Variants in CA8 observed in about 807,000 individuals in gnomAD.
CA8 encodes the protein carbonic anhydrase 8 (inactive).
Under a neutral mutation model 41.4 loss-of-function variants are expected in CA8, and 22 were observed. The ratio of observed to expected loss-of-function variants is 0.53; its 90% CI spans 0.38 to 0.76. The LOEUF (loss-of-function observed/expected upper bound fraction) is 0.76. Among genes scored for constraint, CA8 ranks in the 30% least tolerant of loss-of-function variants. The pLI is 0.00. For missense variants in CA8, 270 were observed against 352.8 expected (o/e 0.77, Z 1.88); for synonymous variants, 121 against 130.6 (o/e 0.93, Z 0.50).
intron 8 of CA8, among the ~76,000 whole-genome samples, chr8:60,202,993 T>C (rs1300546667): frequency 6.6e-6 from 1 of 152,012 alleles, no homozygotes; most frequent in East Asian, 1.9e-4. Context: ...TAAGTAAAAC[T>C]AAAACTGCTA....
intron 8 of CA8, among the ~76,000 whole-genome samples, chr8:60,190,432 AATAT>A (rs57878452): frequency 0.072 from 7,109 of 98,698 alleles, 251 homozygotes; most frequent in African/African-American, 0.08. Flanking sequence ...ATAAATGCAG[AATAT>A]ATATATATAT....
rs80317364 is a variant in CA8 at position 60,271,116 on chromosome 8, G to A, written c.293-5067C>T. Among the ~76,000 whole-genome samples, 107 of 152,324 alleles carry A rather than the reference G, an allele frequency of 7.0e-4. No homozygotes were observed. The Middle Eastern group carries it at 0.017, about 24-fold the overall frequency. The stretch of plus-strand genomic sequence containing the variant: ...CCGGTTCTAAGGGAAGCCAAGGCGG[G>A]AGGATCATTTGAGCCCAGGATTTCA... On this transcript the variant is annotated intron_variant, in intron 2 of 8. Transcript: ENST00000317995.
intron 8 of CA8, among the ~76,000 whole-genome samples, chr8:60,205,243 C>T (rs973290161): frequency 6.6e-6 from 1 of 152,096 alleles, no homozygotes; most frequent in South Asian, 2.1e-4. Context: ...TGTGACATTG[C>T]TTTTTACAGA....
chr8:60,227,783 G>A (rs1484177813), intron 4 of CA8, among the ~76,000 whole-genome samples: 5 of 151,920 alleles, frequency 3.3e-5, no homozygotes, highest in African/African-American at 1.2e-4. Flanking sequence ...ATAATAATGT[G>A]CTTTTTATAG....
intron 5 of CA8, among the ~76,000 whole-genome samples, chr8:60,225,507 C>T (rs1807405669): frequency 6.6e-6 from 1 of 152,118 alleles, no homozygotes; most frequent in South Asian, 2.1e-4. Flanking sequence ...AAAATGTGCC[C>T]TTATTGTCTT....
In CA8 at chr8:60,187,936, G is replaced by A. The variant is rs531927308; in HGVS notation, c.*2085C>T. 4 of 151,994 alleles carry A rather than the reference G, an allele frequency of 2.6e-5. No homozygotes were observed. Among genetic ancestry groups the A allele is most frequent in the South Asian group, 2.1e-4 (1 of 4,822 alleles). The allele number at this position is 151,994 out of a possible 1,614,324, so 9.4% of individuals were successfully genotyped here. ...ATTTGAGATTAGTTGTTGTGCTTTCGTTTACTGACAAACTACCTTTCAAAT... is the reference window on the plus strand; with the variant it reads ...ATTTGAGATTAGTTGTTGTGCTTTCATTTACTGACAAACTACCTTTCAAAT... On this transcript the variant is annotated 3_prime_UTR_variant, in exon 9 of 9. Coordinates refer to ENST00000317995, the MANE Select transcript of CA8 (RefSeq NM_004056.6).
At position 60,214,174 on chromosome 8, in the gene CA8, C is replaced by A. The variant is rs116159569; in HGVS notation, c.739-5255G>T. ...TATATAAAGAACAGAAATGTATTTT[C>A]TCACAGTTCTGGAGGCTGGAAGTCC... On this transcript the variant is annotated intron_variant, in intron 7 of 8. Transcript: ENST00000317995. Among the ~76,000 whole-genome samples, 377 of 152,268 alleles carry A rather than the reference C, an allele frequency of 2.5e-3. 3 individuals carry two copies. The highest frequency in any genetic ancestry group is 8.5e-3 in the African/African-American group (354 of 41,520).
intron 3 of CA8, among the ~76,000 whole-genome samples, chr8:60,257,271 G>A (rs992153124): frequency 8.5e-5 from 13 of 152,126 alleles, no homozygotes; most frequent in South Asian, 4.2e-4. Context: ...AGCCACTGGC[G>A]CCCAATCCAA....
At chr8:60,209,701 C>T (rs1406372291) in intron 7 of CA8, among the ~76,000 whole-genome samples, 1 of 151,582 alleles carries the variant, frequency 6.6e-6, no homozygotes, top group African/African-American at 2.4e-5. Flanking sequence ...ACTTTTCTAG[C>T]CCTCTGGAGA....
chr8:60,242,532 G>A (rs991731878), intron 3 of CA8, among the ~76,000 whole-genome samples: 5 of 152,174 alleles, frequency 3.3e-5, no homozygotes, highest in South Asian at 2.1e-4. Flanking sequence ...AAAGCACGGA[G>A]GAATGGCAAG....
intron 7 of CA8, among the ~76,000 whole-genome samples, chr8:60,209,420 G>C (rs1352430843): frequency 2.6e-5 from 4 of 151,728 alleles, no homozygotes; most frequent in African/African-American, 9.7e-5. Flanking sequence ...ATGAGGCGGA[G>C]GTTGCAGTGA....
intron 7 of CA8, among the ~76,000 whole-genome samples, chr8:60,217,378 G>A (rs371850696): frequency 2.0e-5 from 3 of 152,054 alleles, no homozygotes; most frequent in Admixed American, 1.3e-4. Flanking sequence ...TCTGACACTC[G>A]TAATCTCTCC....
chr8:60,194,668 T>C (rs534982651), intron 8 of CA8, among the ~76,000 whole-genome samples: 12 of 152,272 alleles, frequency 7.9e-5, no homozygotes, highest in Non-Finnish European at 1.6e-4. Context: ...TTAGCCTCCT[T>C]TTACTCCAGC....
chr8:60,189,217 A>G lies in CA8; in HGVS notation c.*804T>C, dbSNP rs1274852312. On this transcript the variant is annotated 3_prime_UTR_variant, in exon 9 of 9. Transcript: ENST00000317995. Reference sequence around the variant, plus strand: ...GTACGACACTAAAGTAATATAGGATACCACTAAATTTATATTTCTATGTAT... The same window carrying G: ...GTACGACACTAAAGTAATATAGGATGCCACTAAATTTATATTTCTATGTAT... 1 of 152,184 alleles carries G rather than the reference A, an allele frequency of 6.6e-6. No homozygotes were observed. The highest frequency in any genetic ancestry group is 1.5e-5 in the Non-Finnish European group (1 of 68,022). The allele number at this position is 152,184 out of a possible 1,614,324, so 9.4% of individuals were successfully genotyped here.
At chr8:60,190,957 T>TATATATATATATATATATATATACATAC (rs1554573722) in intron 8 of CA8, among the ~76,000 whole-genome samples, 1 of 104,192 alleles carries the variant, frequency 9.6e-6, no homozygotes. Flanking sequence ...TATATATATA[T>TATATATATATATATATATATATACATAC]ACACACACAC....
chr8:60,221,340 A>G (rs917303182), intron 7 of CA8, among the ~76,000 whole-genome samples: 16 of 152,210 alleles, frequency 1.1e-4, no homozygotes, highest in Admixed American at 1.0e-3. Context: ...GAAATTTTTG[A>G]GAGTAAAGAC....
At position 60,186,752 on chromosome 8, in the gene CA8, G is replaced by A. The variant is rs1028244953; in HGVS notation, c.*3269C>T. Among the ~76,000 whole-genome samples the A allele has an allele frequency of 6.6e-6, 1 of 151,388 alleles. No individual in the cohort carries two copies. The highest frequency in any genetic ancestry group is 1.5e-5 in the Non-Finnish European group (1 of 67,732). On this transcript the variant is annotated 3_prime_UTR_variant, in exon 9 of 9. Transcript: ENST00000317995. ...CAAATAGCAACTATAAGAAAGCTGG[G>A]GCAGCTATATTAATATCTGACAAAG...
At position 60,189,277 on chromosome 8, in the gene CA8, CCTT is replaced by C. The variant is rs1806046931; in HGVS notation, c.*741_*743del. 1 of 152,094 alleles carries C rather than the reference CCTT, an allele frequency of 6.6e-6. No individual in the cohort carries two copies. The highest frequency in any genetic ancestry group is 2.4e-5 in the African/African-American group (1 of 41,428). 9.4% of individuals were successfully genotyped at this position (152,094 alleles called of 1,614,324 possible). On this transcript the variant is annotated 3_prime_UTR_variant, in exon 9 of 9. Coordinates refer to ENST00000317995, the MANE Select transcript of CA8 (RefSeq NM_004056.6). ...AGCTATTCCTGGTACATGGTGCTGA[CCTT>C]CTTTTTATCCTATTTCTTACACCTT...
intron 3 of CA8, among the ~76,000 whole-genome samples, chr8:60,253,212 GTGAC>G (rs1442677433): frequency 6.6e-6 from 1 of 152,140 alleles, no homozygotes; most frequent in African/African-American, 2.4e-5. Context: ...TCCAGTCTGA[GTGAC>G]AGAGTAAGAC....
Sources: gnomAD v4.1 joint callset for allele counts (sites outside exome capture counted in the v4.1 genomes callset) on GRCh38, gnomAD v4.1.1 for gene constraint, MANE v1.5 for transcripts, NCBI Gene and HGNC (gene_info 2026-07-23, HGNC 2026-07-21) for gene names.